The following HEPHL1 variants were observed in gnomAD, a reference collection of about 807,000 sequenced individuals.
HEPHL1 encodes the protein ferroxidase HEPHL1.
A neutral mutation model predicts 122.0 loss-of-function variants in HEPHL1; 123 were observed. The observed-to-expected ratio is 1.01, with a 90% CI of 0.87 to 1.17. The LOEUF (loss-of-function observed/expected upper bound fraction) is 1.17, where lower values mean the gene tolerates loss of function less well. Ranked by LOEUF, HEPHL1 falls within the 50% of genes most tolerant of loss-of-function variation. HEPHL1 has a pLI of 0.00. For missense variants in HEPHL1, 1,452 were observed against 1,430.5 expected, an observed-to-expected ratio of 1.01 and a Z score of -0.24; for synonymous variants, 527 against 508.9, an observed-to-expected ratio of 1.04 and a Z score of -0.48.
At position 94,106,191 on chromosome 11, in the gene HEPHL1, C is replaced by T. The variant is rs552237493; in HGVS notation, c.3045+61C>T. 5.3e-6 allele frequency: 7 copies of T among 1,329,138 alleles called. No individual in the cohort carries two copies. In the South Asian group the frequency reaches 9.0e-5, roughly 17 times the overall value. 82.3% of individuals were successfully genotyped at this position (1,329,138 alleles called of 1,614,324 possible). On this transcript the variant is annotated intron_variant, in intron 17 of 19. Coordinates refer to ENST00000315765, the MANE Select transcript of HEPHL1 (RefSeq NM_001098672.2). ...TTGAACTAACAAATTCAATGTATTT[C>T]CAGTGGAAAATAAGAGTTACTTGGC...
chr11:94,051,516 T>C (rs1945890296), intron 2 of HEPHL1, among the ~76,000 whole-genome samples: 1 of 152,136 alleles, frequency 6.6e-6, no homozygotes, highest in African/African-American at 2.4e-5. Flanking sequence ...TTTTTTCCTA[T>C]AGTGTTCCTT....
intron 1 of HEPHL1, among the ~76,000 whole-genome samples, chr11:94,034,619 A>C (rs185985990): frequency 4.6e-5 from 7 of 152,354 alleles, no homozygotes; most frequent in Admixed American, 3.9e-4. Flanking sequence ...ATTTGTCAGC[A>C]GGTCTGCCCC....
intron 1 of HEPHL1, among the ~76,000 whole-genome samples, chr11:94,034,065 A>G (rs1945700701): frequency 6.6e-6 from 1 of 152,120 alleles, no homozygotes; most frequent in East Asian, 1.9e-4. Flanking sequence ...CCAAGAAGAG[A>G]GTGTCTGATC....
chr11:94,058,640 T>G (rs2134423853), intron 2 of HEPHL1, among the ~76,000 whole-genome samples: 1 of 152,324 alleles, frequency 6.6e-6, no homozygotes, highest in Non-Finnish European at 1.5e-5. Context: ...TAGAATGAAC[T>G]AGTGCTTTCT....
At chr11:94,058,443 G>T (rs1945958612) in intron 2 of HEPHL1, among the ~76,000 whole-genome samples, 1 of 152,126 alleles carries the variant, frequency 6.6e-6, no homozygotes, top group South Asian at 2.1e-4. Flanking sequence ...TTTGCTGTGA[G>T]CCAGACACAA....
intron 9 of HEPHL1, among the ~76,000 whole-genome samples, chr11:94,079,137 G>T (rs142095934): frequency 6.6e-6 from 1 of 152,164 alleles, no homozygotes. Context: ...ATATTTGTCA[G>T]TTGTTGCGTT....
At chr11:94,035,048 A>G (rs954688827) in intron 1 of HEPHL1, among the ~76,000 whole-genome samples, 23 of 152,178 alleles carry the variant, frequency 1.5e-4, no homozygotes, top group African/African-American at 5.1e-4. Context: ...ATTACATCTA[A>G]ATGCCTTAGC....
intron 8 of HEPHL1, among the ~76,000 whole-genome samples, chr11:94,074,844 A>G (rs533256808): frequency 6.6e-6 from 1 of 152,284 alleles, no homozygotes; most frequent in African/African-American, 2.4e-5. Flanking sequence ...AATATATTCT[A>G]CATAGAAAGC....
chr11:94,022,593 A>G, intron 1 of HEPHL1, among the ~76,000 whole-genome samples: 1 of 152,228 alleles, frequency 6.6e-6, no homozygotes, highest in East Asian at 1.9e-4. Context: ...TGGTATAGTC[A>G]TGTTTTGTTT....
intron 2 of HEPHL1, among the ~76,000 whole-genome samples, chr11:94,061,171 C>A (rs1018343670): frequency 6.6e-6 from 1 of 152,068 alleles, no homozygotes; most frequent in African/African-American, 2.4e-5. Context: ...TAGAGGAGAG[C>A]TAATGATCCC....
At chr11:94,085,782 T>A (rs939866837) in intron 10 of HEPHL1, among the ~76,000 whole-genome samples, 195 bp from the exon 11 acceptor site, 1 of 152,258 alleles carries the variant, frequency 6.6e-6, no homozygotes. Flanking sequence ...AAAGATAACA[T>A]TTAAATAATT....
intron 2 of HEPHL1, chr11:94,055,718 G>A (rs1565350485): frequency 5.3e-6 from 2 of 374,858 alleles, no homozygotes; most frequent in Non-Finnish European, 1.0e-5. Context: ...TTGACATTCT[G>A]TAAATCTTCA....
intron 2 of HEPHL1, among the ~76,000 whole-genome samples, chr11:94,058,040 T>C (rs1192774594): frequency 6.6e-6 from 1 of 152,176 alleles, no homozygotes; most frequent in Non-Finnish European, 1.5e-5. Context: ...TATTTTTATT[T>C]TTAAGCCTGG....
intron 1 of HEPHL1, among the ~76,000 whole-genome samples, chr11:94,033,936 G>C (rs1945698997): frequency 6.6e-6 from 1 of 152,210 alleles, no homozygotes; most frequent in African/African-American, 2.4e-5. Context: ...AGGAGGAAAA[G>C]AGGAAGAGTG....
chr11:94,111,502 G>A, intron 18 of HEPHL1, 35 bp from the exon 19 acceptor site: 2 of 1,508,400 alleles, frequency 1.3e-6, no homozygotes, highest in Non-Finnish European at 1.8e-6. Context: ...CCCTTCTGTT[G>A]TTAATAAAAC....
At position 94,029,606 on chromosome 11, in the gene HEPHL1, A is replaced by G. The variant is rs1039035387; in HGVS notation, c.170+8068A>G. ...GGGGCCTGAGAATAAAAATTTGGCA[A>G]ATGTTCCAAATGATTCTGATGCAAG... On this transcript the variant is annotated intron_variant, in intron 1 of 19. Coordinates refer to ENST00000315765, the MANE Select transcript of HEPHL1 (RefSeq NM_001098672.2). Among the ~76,000 whole-genome samples, 6 of 152,362 alleles carry G rather than the reference A, an allele frequency of 3.9e-5. No homozygotes were observed. In the East Asian group the frequency reaches 9.6e-4, roughly 24 times the overall value.
chr11:94,097,531 C>A (rs185488168), intron 13 of HEPHL1, among the ~76,000 whole-genome samples: 1 of 152,060 alleles, frequency 6.6e-6, no homozygotes, highest in African/African-American at 2.4e-5. Flanking sequence ...TGTCTATCAG[C>A]TCTGCTTGGT....
At chr11:94,090,429 C>G (rs540883779) in intron 12 of HEPHL1, among the ~76,000 whole-genome samples, 1 of 152,274 alleles carries the variant, frequency 6.6e-6, no homozygotes, top group East Asian at 1.9e-4. Context: ...TACTTTAAGT[C>G]TCCATCCCAC....
rs1254505230 is a variant in HEPHL1 at position 94,036,858 on chromosome 11, G to A, written c.171-8815G>A. On this transcript the variant is annotated intron_variant, in intron 1 of 19. Coordinates refer to ENST00000315765, the MANE Select transcript of HEPHL1 (RefSeq NM_001098672.2). The stretch of plus-strand genomic sequence containing the variant: ...CGTCTCAAAAAAAAAAAAAAAAAAA[G>A]GGAGGAGCCAAGATGGCCGAATAGG... Among the ~76,000 whole-genome samples, 51 of 124,876 alleles carry A rather than the reference G, an allele frequency of 4.1e-4. No homozygotes were observed. The East Asian group carries it at 7.9e-3, about 19-fold the overall frequency. 81.9% of individuals were successfully genotyped at this position (124,876 alleles called of 152,430 possible).
Sources: allele counts gnomAD v4.1 joint callset (sites outside exome capture counted in the v4.1 genomes callset), GRCh38; gene constraint gnomAD v4.1.1; transcripts MANE v1.5; gene names NCBI Gene and HGNC (gene_info 2026-07-23, HGNC 2026-07-21).